Variants in LRP1B observed in about 807,000 individuals in gnomAD.
The protein encoded by LRP1B is LDL receptor related protein 1B.
Under a neutral mutation model 556.6 loss-of-function variants are expected in LRP1B, and 217 were observed. That is an observed-to-expected ratio of 0.39 (90% CI 0.35 to 0.44). The LOEUF is 0.44. Ranked by LOEUF, LRP1B falls within the 20% of genes least tolerant of loss-of-function variation. The pLI is 1.00. For synonymous variants in LRP1B, 2,047 were observed against 1,865.8 expected (o/e 1.10, Z -2.50); for missense variants, 5,053 against 5,620.8 (o/e 0.90, Z 3.23).
intron 84 of LRP1B, among the ~76,000 whole-genome samples, chr2:140,293,903 T>G (rs1683500107): frequency 6.6e-6 from 1 of 152,146 alleles, no homozygotes; most frequent in African/African-American, 2.4e-5. Flanking sequence ...TAAGGATTAA[T>G]TGGTTAATTT....
At chr2:140,689,933 C>T (rs565347615) in intron 41 of LRP1B, among the ~76,000 whole-genome samples, 1 of 152,098 alleles carries the variant, frequency 6.6e-6, no homozygotes, top group South Asian at 2.1e-4. Context: ...AACACCTATG[C>T]AGAAAACTTT....
At chr2:141,983,265 TCA>T (rs1301551330) in intron 1 of LRP1B, among the ~76,000 whole-genome samples, 1 of 152,156 alleles carries the variant, frequency 6.6e-6, no homozygotes, top group Admixed American at 6.5e-5. Context: ...TCTCTGCTAC[TCA>T]CACACACAAA....
chr2:141,301,152 C>G (rs1038109559), intron 3 of LRP1B, among the ~76,000 whole-genome samples: 3 of 152,056 alleles, frequency 2.0e-5, no homozygotes, highest in African/African-American at 7.2e-5. Flanking sequence ...ATTTTTCATA[C>G]TTTACCTATT....
At chr2:140,519,655 A>G (rs1382625415) in intron 49 of LRP1B, among the ~76,000 whole-genome samples, 3 of 152,228 alleles carry the variant, frequency 2.0e-5, no homozygotes, top group African/African-American at 7.2e-5. Context: ...AGAAGAAACT[A>G]CCATCAGAGT....
chr2:141,329,367 G>A (rs1205371829), intron 3 of LRP1B, among the ~76,000 whole-genome samples: 2 of 125,696 alleles, frequency 1.6e-5, no homozygotes, highest in African/African-American at 6.6e-5. Flanking sequence ...CAGCCTGGGG[G>A]ACAAGAGCAA....
chr2:141,905,439 C>T (rs1443898208), intron 1 of LRP1B, among the ~76,000 whole-genome samples: 2 of 151,462 alleles, frequency 1.3e-5, no homozygotes, highest in South Asian at 2.1e-4. Flanking sequence ...GAAGTGAGTC[C>T]AATCAACGAG....
At chr2:141,943,070 G>A (rs181849151) in intron 1 of LRP1B, among the ~76,000 whole-genome samples, 31 of 152,236 alleles carry the variant, frequency 2.0e-4, no homozygotes, top group African/African-American at 7.2e-4. Flanking sequence ...CTTTGCATAG[G>A]CATTAGATTT....
chr2:140,273,336 G>GATAGTTGATATGA (rs113574269), intron 85 of LRP1B, among the ~76,000 whole-genome samples: 1 of 151,808 alleles, frequency 6.6e-6, no homozygotes, highest in Admixed American at 6.6e-5. Context: ...ACATGATTTG[G>GATAGTTGATATGA]ACGCATGTTT....
chr2:140,837,806 G>A (rs1428733512), intron 31 of LRP1B, among the ~76,000 whole-genome samples: 1 of 147,756 alleles, frequency 6.8e-6, no homozygotes, highest in Non-Finnish European at 1.5e-5. Flanking sequence ...GGTGGGGGGA[G>A]GGGGGAAGGA....
chr2:140,640,385 T>A (rs1466456592), intron 41 of LRP1B, among the ~76,000 whole-genome samples: 1 of 32,566 alleles, frequency 3.1e-5, no homozygotes, highest in African/African-American at 1.1e-4. Flanking sequence ...CCTGTTTTCT[T>A]TTTTTTTTTT....
At chr2:141,157,206 T>TA (rs1702088727) in intron 7 of LRP1B, among the ~76,000 whole-genome samples, 1 of 152,100 alleles carries the variant, frequency 6.6e-6, no homozygotes, top group African/African-American at 2.4e-5. Context: ...CATAGGAATA[T>TA]AAAAGTTTAT....
At chr2:141,930,098 T>A (rs1394654993) in intron 1 of LRP1B, among the ~76,000 whole-genome samples, 1 of 151,856 alleles carries the variant, frequency 6.6e-6, no homozygotes, top group Non-Finnish European at 1.5e-5. Flanking sequence ...TACATGTCAT[T>A]TCCAGGAACC....
At chr2:141,501,168 T>G (rs1217933418) in intron 2 of LRP1B, among the ~76,000 whole-genome samples, 1 of 152,172 alleles carries the variant, frequency 6.6e-6, no homozygotes, top group Non-Finnish European at 1.5e-5. Flanking sequence ...CTTTCTCACT[T>G]AAGAAACTTT....
chr2:141,252,039 G>T (rs978155824), intron 4 of LRP1B, among the ~76,000 whole-genome samples: 3 of 151,866 alleles, frequency 2.0e-5, no homozygotes, highest in Non-Finnish European at 4.4e-5. Flanking sequence ...AAACAAATTT[G>T]CTCTTCAGAA....
In LRP1B at chr2:141,766,943, T is replaced by C. The variant is rs565324814; in HGVS notation, c.205+43336A>G. On this transcript the variant is annotated intron_variant, in intron 2 of 90. Transcript: ENST00000389484. ...GAGAGGGGAAGAAAATAAACCCCTC[T>C]AATACAGTTTGATTAATAATTTACC... 2.6e-5 allele frequency among the ~76,000 whole-genome samples: 4 copies of C among 152,284 alleles called. No homozygotes were observed. The South Asian group carries it at 6.2e-4, about 24-fold the overall frequency.
intron 43 of LRP1B, among the ~76,000 whole-genome samples, chr2:140,593,767 A>T (rs1321800765): frequency 2.0e-5 from 3 of 152,182 alleles, no homozygotes; most frequent in Non-Finnish European, 4.4e-5. Flanking sequence ...GGGTTTATTA[A>T]ACTTCAGATT....
In LRP1B at chr2:140,444,319, A is replaced by G; in HGVS notation, c.10294+11T>C. On this transcript the variant is annotated intron_variant, in intron 65 of 90. Transcript: ENST00000389484. Reference sequence around the variant, plus strand: ...AGTTAAGACAAGACAGAGTATTTTGAGGTGACTTACGACAGTCTCTTTCAT... The same window carrying G: ...AGTTAAGACAAGACAGAGTATTTTGGGGTGACTTACGACAGTCTCTTTCAT... The G allele has an allele frequency of 6.2e-7, 1 of 1,613,724 alleles. No individual in the cohort carries two copies. Among genetic ancestry groups the G allele is most frequent in the Non-Finnish European group, 8.5e-7 (1 of 1,179,744 alleles).
chr2:141,086,769 G>T (rs1160342020), intron 7 of LRP1B, among the ~76,000 whole-genome samples: 1 of 152,098 alleles, frequency 6.6e-6, no homozygotes, highest in Admixed American at 6.6e-5. Flanking sequence ...CGATGAACCA[G>T]CCCATTTGAT....
At chr2:140,739,636 T>G (rs1009900248) in intron 35 of LRP1B, among the ~76,000 whole-genome samples, 1 of 152,184 alleles carries the variant, frequency 6.6e-6, no homozygotes, top group Admixed American at 6.5e-5. Flanking sequence ...TTTAAATGAA[T>G]AATAGTAATT....
Sources: gnomAD v4.1 joint callset for allele counts (sites outside exome capture counted in the v4.1 genomes callset) on GRCh38, gnomAD v4.1.1 for gene constraint, MANE v1.5 for transcripts, NCBI Gene and HGNC (gene_info 2026-07-23, HGNC 2026-07-21) for gene names.